Variants in SLIT2 observed in about 807,000 individuals in gnomAD.
The protein encoded by SLIT2 is slit homolog 2 protein.
A neutral mutation model predicts 185.7 loss-of-function variants in SLIT2; 41 were observed. The ratio of observed to expected loss-of-function variants is 0.22; its 90% CI spans 0.17 to 0.29. SLIT2 has a LOEUF of 0.29. Ranked by LOEUF, SLIT2 falls within the 10% of genes least tolerant of loss-of-function variation. The pLI, the probability that SLIT2 is intolerant of heterozygous loss-of-function variation, is 1.00. For synonymous variants in SLIT2, 693 were observed against 680.2 expected (o/e 1.02, Z -0.29); for missense variants, 1,571 against 1,909.0 (o/e 0.82, Z 3.30).
intron 19 of SLIT2, among the ~76,000 whole-genome samples, 177 bp from the exon 20 acceptor site, chr4:20,541,275 CA>C (rs3215199): frequency 0.017 from 2,529 of 149,290 alleles, 83 homozygotes; most frequent in Admixed American, 0.073. Context: ...AATATTTTAT[CA>C]AAAAAAAAAT....
chr4:20,443,465 A>G (rs1003375245), intron 4 of SLIT2, among the ~76,000 whole-genome samples: 13 of 152,156 alleles, frequency 8.5e-5, no homozygotes, highest in African/African-American at 3.1e-4. Context: ...TTTTGGCCCA[A>G]GCAGATAACT....
chr4:20,400,778 G>A (rs996761838), intron 4 of SLIT2, among the ~76,000 whole-genome samples: 4 of 151,768 alleles, frequency 2.6e-5, no homozygotes, highest in Non-Finnish European at 4.4e-5. Context: ...AGCTAAAGAG[G>A]AATCCATGGG....
At chr4:20,259,049 A>G (rs1354196514) in intron 3 of SLIT2, among the ~76,000 whole-genome samples, 2 of 151,634 alleles carry the variant, frequency 1.3e-5, no homozygotes, top group Non-Finnish European at 3.0e-5. Context: ...AGAAATGTCT[A>G]CTTTATTTTA....
intron 29 of SLIT2, 55 bp downstream of exon 29, chr4:20,569,059 C>A: frequency 7.1e-7 from 1 of 1,408,774 alleles, no homozygotes; most frequent in Non-Finnish European, 1.0e-6. Flanking sequence ...TTGAAAGCAT[C>A]ATTGGAACTA....
chr4:20,419,171 A>G (rs1727955683), intron 4 of SLIT2, among the ~76,000 whole-genome samples: 1 of 152,178 alleles, frequency 6.6e-6, no homozygotes, highest in African/African-American at 2.4e-5. Flanking sequence ...GTCTTAGAAC[A>G]CAAATACTTC....
chr4:20,419,460 G>A (rs1275320681), intron 4 of SLIT2, among the ~76,000 whole-genome samples: 1 of 151,968 alleles, frequency 6.6e-6, no homozygotes, highest in African/African-American at 2.4e-5. Context: ...AATTCCCATG[G>A]GCTTCTCCAG....
chr4:20,310,256 A>T (rs1717981090), intron 4 of SLIT2, among the ~76,000 whole-genome samples: 1 of 152,164 alleles, frequency 6.6e-6, no homozygotes, highest in Non-Finnish European at 1.5e-5. Context: ...CGAGCTGCCA[A>T]CACTAGAGTT....
chr4:20,553,735 T>TTGTGTGTGTGTGTGTGTGTG, intron 25 of SLIT2, 70 bp from the exon 26 acceptor site: 2 of 1,119,342 alleles, frequency 1.8e-6, no homozygotes, highest in Admixed American at 3.1e-5. Flanking sequence ...ACTTCCATAC[T>TTGTGTGTGTGTGTGTGTGTG]TGTGTGTGTG....
At chr4:20,593,000 C>A (rs977345404) in intron 30 of SLIT2, among the ~76,000 whole-genome samples, 2 of 152,140 alleles carry the variant, frequency 1.3e-5, no homozygotes, top group Admixed American at 6.5e-5. Context: ...ACTCTCAAAT[C>A]CTGATTTAGC....
At chr4:20,410,929 A>AT (rs564491560) in intron 4 of SLIT2, among the ~76,000 whole-genome samples, 54 of 152,094 alleles carry the variant, frequency 3.6e-4, no homozygotes, top group Non-Finnish European at 6.2e-4. Flanking sequence ...ATTTTAAAGT[A>AT]TTTTTTTCTA....
At chr4:20,289,715 T>C (rs1019762075) in intron 4 of SLIT2, among the ~76,000 whole-genome samples, 19 of 152,184 alleles carry the variant, frequency 1.2e-4, no homozygotes, top group African/African-American at 4.6e-4. Context: ...ATCCTTAGTA[T>C]TCAAAATAGT....
chr4:20,536,390 C>G (rs1485418692), intron 18 of SLIT2, among the ~76,000 whole-genome samples: 3 of 152,076 alleles, frequency 2.0e-5, no homozygotes, highest in Admixed American at 1.3e-4. Context: ...AACCCCATCT[C>G]TACTAAAAAA....
intron 12 of SLIT2, among the ~76,000 whole-genome samples, chr4:20,522,437 A>G (rs1193465056): frequency 6.6e-6 from 1 of 152,192 alleles, no homozygotes. Context: ...CTGTCATTGG[A>G]CAAATAAGCA....
intron 29 of SLIT2, among the ~76,000 whole-genome samples, chr4:20,578,143 G>A (rs115870862): frequency 6.6e-6 from 1 of 152,050 alleles, no homozygotes; most frequent in Non-Finnish European, 1.5e-5. Context: ...CATTTAAAAA[G>A]CATTTGCCTG....
chr4:20,582,595 T>G (rs973824989), intron 29 of SLIT2, among the ~76,000 whole-genome samples: 5 of 152,212 alleles, frequency 3.3e-5, no homozygotes, highest in African/African-American at 4.8e-5. Context: ...CTTTTGCAGT[T>G]TGAGGTATGA....
chr4:20,529,507 A>G (rs1721594807), intron 16 of SLIT2, among the ~76,000 whole-genome samples: 1 of 152,220 alleles, frequency 6.6e-6, no homozygotes, highest in Admixed American at 6.5e-5. Context: ...CAATAGATTC[A>G]AGGAGTCTGT....
rs563763529 is a variant in SLIT2 at position 20,541,686 on chromosome 4, C to A, written c.2143+67C>A. The A allele has an allele frequency of 3.7e-6, 5 of 1,346,594 alleles. No homozygotes were observed. The East Asian group carries it at 9.2e-5, about 25-fold the overall frequency. 83.4% of individuals were successfully genotyped at this position (1,346,594 alleles called of 1,614,324 possible). The stretch of plus-strand genomic sequence containing the variant: ...ATGCCTGTTCTGATGCAGCTTTGCA[C>A]AAATCTACAGCATAGTTCAGCTCAG... On this transcript the variant is annotated intron_variant, in intron 20 of 36. Transcript: ENST00000504154.
At chr4:20,340,880 C>T (rs1163451261) in intron 4 of SLIT2, among the ~76,000 whole-genome samples, 2 of 152,116 alleles carry the variant, frequency 1.3e-5, no homozygotes, top group African/African-American at 2.4e-5. Context: ...GGATTACAGG[C>T]GTGAGCCACC....
intron 4 of SLIT2, among the ~76,000 whole-genome samples, chr4:20,369,780 C>A (rs1335079587): frequency 2.0e-5 from 3 of 152,070 alleles, no homozygotes; most frequent in Non-Finnish European, 4.4e-5. Context: ...CTCAGCCTGT[C>A]TATTGCTCAC....
Sources: gnomAD v4.1 joint callset for allele counts (sites outside exome capture counted in the v4.1 genomes callset) on GRCh38, gnomAD v4.1.1 for gene constraint, MANE v1.5 for transcripts, NCBI Gene and HGNC (gene_info 2026-07-23, HGNC 2026-07-21) for gene names.